Variants in PRDM11 observed in about 807,000 individuals in gnomAD.
The protein encoded by PRDM11 is PR/SET domain 11.
PRDM11 carries 20 observed loss-of-function variants against 97.8 expected under a neutral mutation model. The ratio of observed to expected loss-of-function variants is 0.20; its 90% CI spans 0.14 to 0.30. The LOEUF is 0.30. Among genes scored for constraint, PRDM11 ranks in the 10% least tolerant of loss-of-function variants. The pLI is 1.00. For missense variants in PRDM11, 1,139 were observed against 1,555.2 expected (o/e 0.73, Z 4.50); for synonymous variants, 599 against 637.7 (o/e 0.94, Z 0.91).
chr11:45,110,852 C>T (rs1852162436), intron 1 of PRDM11, among the ~76,000 whole-genome samples: 1 of 152,240 alleles, frequency 6.6e-6, no homozygotes. Context: ...CCAGAAACCA[C>T]TGGTTCTGCT....
chr11:45,125,786 T>C (rs1852555373), intron 1 of PRDM11, among the ~76,000 whole-genome samples: 1 of 152,082 alleles, frequency 6.6e-6, no homozygotes, highest in South Asian at 2.1e-4. Context: ...GGAATAGGTG[T>C]GGTGTGGTGC....
chr11:45,226,647 G>C lies in PRDM11; in HGVS notation c.2022G>C (p.Val674=). The C allele has an allele frequency of 1.3e-6, 2 of 1,533,962 alleles. No individual in the cohort carries two copies. The highest frequency in any genetic ancestry group is 1.7e-6 in the Non-Finnish European group (2 of 1,146,738). ...GCGACGACCTGCTGGCCGACACGGTGGCTGTCTATGTTCAGTACACCAGCA... is the reference window on the plus strand; with the variant it reads ...GCGACGACCTGCTGGCCGACACGGTCGCTGTCTATGTTCAGTACACCAGCA... ...GQSDDLLADT[V]AVYVQYTSSD... The change falls in exon 8 of 8, where the codon GTG becomes GTC. Residue 674 remains valine, a synonymous_variant. Coordinates refer to ENST00000683152, the MANE Select transcript of PRDM11 (RefSeq NM_001384648.1).
intron 1 of PRDM11, among the ~76,000 whole-genome samples, chr11:45,126,527 G>T (rs951675283): frequency 2.2e-4 from 34 of 152,082 alleles, no homozygotes; most frequent in Non-Finnish European, 4.3e-4. Flanking sequence ...TTTACGGCAG[G>T]CCTGGTGGTG....
chr11:45,188,965 G>A (rs983869249), intron 4 of PRDM11, among the ~76,000 whole-genome samples: 2 of 152,136 alleles, frequency 1.3e-5, no homozygotes, highest in Non-Finnish European at 2.9e-5. Context: ...GCAGTGGTAC[G>A]ATCTCAGCTC....
chr11:45,104,318 G>A (rs941742820), intron 1 of PRDM11, among the ~76,000 whole-genome samples: 11 of 152,230 alleles, frequency 7.2e-5, no homozygotes, highest in African/African-American at 2.7e-4. Context: ...GGCAGCACAG[G>A]GCACAGGGCT....
At chr11:45,185,113 G>A (rs1171812904) in intron 4 of PRDM11, among the ~76,000 whole-genome samples, 1 of 152,180 alleles carries the variant, frequency 6.6e-6, no homozygotes, top group Non-Finnish European at 1.5e-5. Context: ...ACTGAAAAGT[G>A]TCCCGTGGAT....
chr11:45,100,719 G>T (rs185082603), intron 1 of PRDM11, among the ~76,000 whole-genome samples: 15 of 152,322 alleles, frequency 9.8e-5, no homozygotes, highest in Admixed American at 9.1e-4. Flanking sequence ...TGGAACTGAG[G>T]CTTCTCACTG....
intron 4 of PRDM11, among the ~76,000 whole-genome samples, chr11:45,189,303 A>G (rs1344411140): frequency 6.6e-6 from 1 of 152,218 alleles, no homozygotes; most frequent in East Asian, 1.9e-4. Context: ...CCACAATGGC[A>G]TATTAAAACT....
At chr11:45,108,918 G>C (rs774082463) in intron 1 of PRDM11, among the ~76,000 whole-genome samples, 1 of 152,224 alleles carries the variant, frequency 6.6e-6, no homozygotes, top group South Asian at 2.1e-4. Flanking sequence ...AAAAATACAC[G>C]CAGATTCTGC....
Position 45,213,831 on chromosome 11 carries a change from G to T in PRDM11, c.555-5739G>T, listed in dbSNP as rs554009389. 7.1e-6 allele frequency: 3 copies of T among 424,424 alleles called. No homozygotes were observed. The East Asian group carries it at 2.1e-4, about 30-fold the overall frequency. The allele number at this position is 424,424 out of a possible 1,614,324, so 26.3% of individuals were successfully genotyped here. A position where few individuals can be genotyped will look rare whatever the true frequency, so the allele number is the denominator to read the frequency against. Reference sequence around the variant, plus strand: ...GCCAGGACTGGAAGCCAGGGTATCGGTTTTCCCAGCTCCCCTGTCAGAGGC... The same window carrying T: ...GCCAGGACTGGAAGCCAGGGTATCGTTTTTCCCAGCTCCCCTGTCAGAGGC... On this transcript the variant is annotated intron_variant, in intron 5 of 7. Transcript: ENST00000683152.
intron 1 of PRDM11, among the ~76,000 whole-genome samples, chr11:45,180,930 C>T (rs907932834): frequency 6.6e-6 from 1 of 152,090 alleles, no homozygotes; most frequent in Admixed American, 6.5e-5. Context: ...TCCCAGTCGC[C>T]GCCGCCGGCT....
Position 45,182,935 on chromosome 11 carries a change from C to T in PRDM11, c.298C>T (p.Pro100Ser). 6.2e-7 allele frequency: 1 copy of T among 1,613,708 alleles called. No individual in the cohort carries two copies. The highest frequency in any genetic ancestry group is 8.5e-7 in the Non-Finnish European group (1 of 1,179,862). ...CCCCCCGGTGTTTGTGTCTGACACA[C>T]CGGTGCCCGTGGGCATCCCAGACCG... Reference protein sequence around the residue: ...HGPPVFVSDTPVPVGIPDRAA... With the variant: ...HGPPVFVSDTSVPVGIPDRAA... Residue 100 changes from proline (P) to serine (S), a missense_variant, in exon 4 of 8, where the codon CCG (proline) becomes TCG (serine). By Grantham distance (74) the Pro-to-Ser change is moderately conservative. Around this residue, in one of 2 missense-constraint regions of PRDM11, gnomAD observed 429 missense variants for 510.3 expected, o/e 0.84. Coordinates refer to ENST00000683152, the MANE Select transcript of PRDM11 (RefSeq NM_001384648.1).
At chr11:45,175,076 G>A (rs1245912799) in intron 1 of PRDM11, among the ~76,000 whole-genome samples, 1 of 152,156 alleles carries the variant, frequency 6.6e-6, no homozygotes, top group Admixed American at 6.5e-5. Context: ...CAGCTTCCCG[G>A]TTATTAACAT....
At chr11:45,154,972 CAGAG>C (rs1225973130) in intron 1 of PRDM11, among the ~76,000 whole-genome samples, 2 of 152,200 alleles carry the variant, frequency 1.3e-5, no homozygotes, top group African/African-American at 4.8e-5. Flanking sequence ...GCTTCCCAAA[CAGAG>C]AGATTGTCCA....
chr11:45,145,081 G>C (rs1269308765), upstream of PRDM11, among the ~76,000 whole-genome samples: 1 of 152,032 alleles, frequency 6.6e-6, no homozygotes, highest in Admixed American at 6.5e-5. Flanking sequence ...TATAACGATA[G>C]GGTTGTTACT....
In PRDM11 at chr11:45,233,074, A is replaced by G. The variant is rs930707079; in HGVS notation, c.*4915A>G. 1 of 152,190 alleles carries G rather than the reference A, an allele frequency of 6.6e-6. No individual in the cohort carries two copies. The highest frequency in any genetic ancestry group is 1.5e-5 in the Non-Finnish European group (1 of 68,040). 9.4% of individuals were successfully genotyped at this position (152,190 alleles called of 1,614,324 possible). A position where few individuals can be genotyped will look rare whatever the true frequency, so the allele number is the denominator to read the frequency against. The stretch of plus-strand genomic sequence containing the variant: ...TATACAGTACGTATACACACAGAGT[A>G]AGAGAGTAAATCACGTCTATATATC... On this transcript the variant is annotated 3_prime_UTR_variant, in exon 8 of 8. Coordinates refer to ENST00000683152, the MANE Select transcript of PRDM11 (RefSeq NM_001384648.1).
At chr11:45,118,583 TATC>T (rs1309321771) in intron 1 of PRDM11, among the ~76,000 whole-genome samples, 2 of 152,176 alleles carry the variant, frequency 1.3e-5, no homozygotes, top group East Asian at 3.8e-4. Flanking sequence ...AAAGAGGAAA[TATC>T]ATACAATTAT....
Position 45,226,437 on chromosome 11 carries a change from G to C in PRDM11, c.1812G>C (p.Arg604Ser). The C allele has an allele frequency of 6.5e-7, 1 of 1,533,982 alleles. No individual in the cohort carries two copies. Among genetic ancestry groups the C allele is most frequent in the African/African-American group, 1.4e-5 (1 of 73,094 alleles). ...NTAYHLALEG[R>S]PYLDFRPLAE... ...CCTACCACCTGGCCTTGGAGGGCAG[G>C]CCCTACCTGGACTTCCGGCCCCTGG... The change falls in exon 8 of 8, where the codon AGG becomes AGC. Residue 604 changes from arginine to serine, a missense_variant. Arg to Ser is a moderately radical substitution (Grantham distance 110). This residue lies in a region of PRDM11 where 710 missense variants were observed against 1,044.9 expected (regional missense o/e 0.68). Transcript: ENST00000683152.
At chr11:45,165,860 C>T (rs1050750476) in intron 1 of PRDM11, among the ~76,000 whole-genome samples, 3 of 152,212 alleles carry the variant, frequency 2.0e-5, no homozygotes, top group Admixed American at 1.3e-4. Context: ...GGGCCCTTCA[C>T]TCCCTGCCGT....
Sources: gnomAD v4.1 joint callset for allele counts (sites outside exome capture counted in the v4.1 genomes callset) on GRCh38, gnomAD v4.1.1 for gene constraint, gnomAD v4.1.1 regional missense constraint, MANE v1.5 for transcripts, NCBI Gene and HGNC (gene_info 2026-07-23, HGNC 2026-07-21) for gene names.